DMD: variants seen among roughly 807,000 people sequenced by gnomAD.
The protein encoded by DMD is mutant dystrophin.
In DMD, 63 loss-of-function variants were observed where a neutral mutation model predicts 330.1. That is an observed-to-expected ratio of 0.19 (90% CI 0.16 to 0.24). The LOEUF (loss-of-function observed/expected upper bound fraction) is 0.24. Ranked by LOEUF, DMD falls within the 10% of genes least tolerant of loss-of-function variation. The pLI is 1.00. For missense variants in DMD, 3,344 were observed against 2,684.1 expected (o/e 1.25, Z -5.43); for synonymous variants, 1,223 against 959.8 (o/e 1.27, Z -5.07).
At chrX:32,314,215 C>G (rs1235231316) in intron 41 of DMD, among the ~76,000 whole-genome samples, 1 of 111,571 alleles carries the variant, frequency 9.0e-6, no homozygotes, top group Non-Finnish European at 1.9e-5. Context: ...ACCAACGGAA[C>G]AGAACAGAGG....
chrX:32,415,869 C>A (rs2098164286), intron 29 of DMD, among the ~76,000 whole-genome samples: 1 of 111,871 alleles, frequency 8.9e-6, no homozygotes, highest in Non-Finnish European at 1.9e-5. Flanking sequence ...AAAGTTAACA[C>A]AAATTAATTA....
chrX:32,335,807 GTA>G (rs1271090059), intron 41 of DMD, among the ~76,000 whole-genome samples: 1 of 103,942 alleles, frequency 9.6e-6, no homozygotes, highest in Non-Finnish European at 2.0e-5. Context: ...TATAACACGT[GTA>G]TATATGTATA....
chrX:31,999,699 T>A lies in DMD; in HGVS notation c.6439-31185A>T, dbSNP rs774818356. Among the ~76,000 whole-genome samples, 3 of 112,031 alleles carry A rather than the reference T, an allele frequency of 2.7e-5. No homozygotes were observed. The South Asian group carries it at 1.1e-3, about 41-fold the overall frequency. On this transcript the variant is annotated intron_variant, in intron 44 of 78. Transcript: ENST00000357033. The stretch of plus-strand genomic sequence containing the variant: ...CTCTATAGCCAATGAGTTAAGAAGT[T>A]ACTTACTGAATTCCAGAGGGTGTTC...
chrX:31,627,627 T>C, intron 55 of DMD, 46 bp downstream of exon 55: 1 of 1,173,274 alleles, frequency 8.5e-7, no homozygotes, highest in Non-Finnish European at 1.2e-6. Flanking sequence ...CTGAGAATTG[T>C]TCAATTGGAT....
chrX:32,913,202 T>C (rs1160913813), intron 2 of DMD, among the ~76,000 whole-genome samples: 1 of 111,561 alleles, frequency 9.0e-6, no homozygotes, highest in African/African-American at 3.3e-5. Flanking sequence ...TTCTTGAAGC[T>C]TCTAGTTATA....
In DMD at chrX:32,405,085, T is replaced by C. The variant is rs181468924; in HGVS notation, c.4233+6667A>G. ...TAGAAGAGTGATAGAAAATGTCGTA[T>C]GAAAAATACTCTGGAACAATTTAGT... On this transcript the variant is annotated intron_variant, in intron 30 of 78. Transcript: ENST00000357033. 3.6e-5 allele frequency among the ~76,000 whole-genome samples: 4 copies of C among 111,672 alleles called. No homozygotes were observed. The East Asian group carries it at 8.5e-4, about 24-fold the overall frequency.
chrX:32,652,008 T>C (rs901591542), intron 9 of DMD, among the ~76,000 whole-genome samples: 6 of 111,602 alleles, frequency 5.4e-5, no homozygotes, highest in Admixed American at 1.9e-4. Flanking sequence ...ACAGAAATGC[T>C]ACATTGTGCC....
At chrX:32,256,601 T>C (rs764924090) in intron 43 of DMD, among the ~76,000 whole-genome samples, 37 of 111,276 alleles carry the variant, frequency 3.3e-4, no homozygotes, top group African/African-American at 1.1e-3. Context: ...AGTTTCTTCA[T>C]AGGGTCGATG....
chrX:32,565,542 CCAA>C (rs750779384), intron 16 of DMD, among the ~76,000 whole-genome samples, 157 bp downstream of exon 16: 5 of 111,854 alleles, frequency 4.5e-5, no homozygotes, highest in African/African-American at 9.7e-5. Context: ...CCACCATTCT[CCAA>C]CAACAAGACA....
chrX:31,777,339 C>T (rs1222592944), intron 50 of DMD, among the ~76,000 whole-genome samples: 1 of 111,279 alleles, frequency 9.0e-6, no homozygotes, highest in Non-Finnish European at 1.9e-5. Context: ...ATTTATTTGC[C>T]CCCAACCCCA....
chrX:32,205,001 T>TACA (rs1569550713), intron 44 of DMD, among the ~76,000 whole-genome samples: 1 of 39,620 alleles, frequency 2.5e-5, no homozygotes, highest in East Asian at 7.0e-4. Flanking sequence ...TCTCTCTCTC[T>TACA]CTCTCACATA....
At position 33,126,213 on chromosome X, in the gene DMD, T is replaced by G. The variant is rs190817945; in HGVS notation, c.31+85069A>C. Among the ~76,000 whole-genome samples, 3 of 112,087 alleles carry G rather than the reference T, an allele frequency of 2.7e-5. No individual in the cohort carries two copies. In the East Asian group the frequency reaches 8.4e-4, roughly 31 times the overall value. ...TATTTTATTCAATATTTTAATATAT[T>G]AATCTTTAGTAGAATATATGCTTCA... is the stretch of plus-strand genomic sequence containing the variant. On this transcript the variant is annotated intron_variant, in intron 1 of 78. Coordinates refer to ENST00000357033, the MANE Select transcript of DMD (RefSeq NM_004006.3).
At position 32,704,220 on chromosome X, in the gene DMD, T is replaced by C. The variant is rs6628730; in HGVS notation, c.650-4927A>G. Reference sequence around the variant, plus strand: ...CAAAATCAGATTAGAAACCAGTCATTGCACTACACTGCCATGGTACCTTAA... The same window carrying C: ...CAAAATCAGATTAGAAACCAGTCATCGCACTACACTGCCATGGTACCTTAA... On this transcript the variant is annotated intron_variant, in intron 7 of 78. Transcript: ENST00000357033. 1.8e-3 allele frequency among the ~76,000 whole-genome samples: 185 copies of C among 104,803 alleles called. 3 individuals carry two copies. The East Asian group carries it at 0.047, about 27-fold the overall frequency. The allele number at this position is 104,803 out of a possible 115,157, so 91.0% of individuals were successfully genotyped here.
chrX:31,832,278 A>G (rs1032306437), intron 49 of DMD, among the ~76,000 whole-genome samples: 1 of 112,385 alleles, frequency 8.9e-6, no homozygotes, highest in Non-Finnish European at 1.9e-5. Context: ...TGAGATGCAC[A>G]TCTTTTGTGA....
intron 18 of DMD, among the ~76,000 whole-genome samples, chrX:32,512,868 G>A (rs954211497): frequency 8.9e-6 from 1 of 111,747 alleles, no homozygotes; most frequent in Non-Finnish European, 1.9e-5. Context: ...GGGGCATCAA[G>A]GAAGTGGGGC....
At chrX:32,266,527 C>T (rs1409629245) in intron 43 of DMD, among the ~76,000 whole-genome samples, 1 of 112,044 alleles carries the variant, frequency 8.9e-6, no homozygotes, top group Non-Finnish European at 1.9e-5. Context: ...TTGACCAAAG[C>T]ATTTTAAGTT....
In DMD at chrX:32,842,814, ATT is replaced by A. The variant is rs11304050; in HGVS notation, c.264+1967_264+1968del. Among the ~76,000 whole-genome samples the A allele has an allele frequency of 1.1e-4, 12 of 104,609 alleles. No individual in the cohort carries two copies. In the East Asian group the frequency reaches 2.1e-3, roughly 18 times the overall value. 90.8% of individuals were successfully genotyped at this position (104,609 alleles called of 115,157 possible). ...GCTGTATATGTACCAAATTATTATT[ATT>A]TTTTTTTTTGATATGGAATCTCGCT... On this transcript the variant is annotated intron_variant, in intron 4 of 78. Coordinates refer to ENST00000357033, the MANE Select transcript of DMD (RefSeq NM_004006.3).
rs2097841821 is a variant in DMD, at chrX:32,362,835, G to C, written c.5278C>G (p.Leu1760Val). The C allele has an allele frequency of 8.3e-7, 1 of 1,208,917 alleles. No individual in the cohort carries two copies. The highest frequency in any genetic ancestry group is 1.8e-5 in the South Asian group (1 of 56,761). Reference protein sequence around the residue: ...RKLVEPQISELNHRFAAISHR... With the variant: ...RKLVEPQISEVNHRFAAISHR... ...GAAATGGCTGCAAATCGATGGTTGA[G>C]CTCTGAGATTTGGGGCTCTACTAAT... Residue 1760 changes from leucine (L) to valine (V), a missense_variant, in exon 37 of 79, where the codon CTC (leucine) becomes GTC (valine). Leu to Val is a conservative substitution (Grantham distance 32). Coordinates refer to ENST00000357033, the MANE Select transcript of DMD (RefSeq NM_004006.3).
At chrX:32,332,160 A>G (rs1447011650) in intron 41 of DMD, among the ~76,000 whole-genome samples, 1 of 111,745 alleles carries the variant, frequency 8.9e-6, no homozygotes, top group East Asian at 2.8e-4. Flanking sequence ...GAATCTTAAA[A>G]TTGCTTTATT....
Sources: gnomAD v4.1 joint callset for allele counts (sites outside exome capture counted in the v4.1 genomes callset) on GRCh38, gnomAD v4.1.1 for gene constraint, MANE v1.5 for transcripts, NCBI Gene and HGNC (gene_info 2026-07-23, HGNC 2026-07-21) for gene names.